CCDC88C: variants seen among roughly 807,000 people sequenced by gnomAD.
CCDC88C encodes protein Daple.
CCDC88C carries 131 observed loss-of-function variants against 198.8 expected under a neutral mutation model. That is an observed-to-expected ratio of 0.66 (90% CI 0.57 to 0.76). CCDC88C has a LOEUF of 0.76. CCDC88C is among the 30% of genes least tolerant of loss of function. CCDC88C has a pLI of 0.00. For missense variants in CCDC88C, 2,553 were observed against 2,631.6 expected (o/e 0.97, Z 0.65); for synonymous variants, 1,166 against 1,114.7 (o/e 1.05, Z -0.92).
intron 29 of CCDC88C, among the ~76,000 whole-genome samples, chr14:91,274,516 G>A (rs552250064): frequency 6.6e-6 from 1 of 152,232 alleles, no homozygotes; most frequent in African/African-American, 2.4e-5. Flanking sequence ...TGGGGGATGA[G>A]AGGCCGGCAG....
At chr14:91,336,729 T>A (rs1893063170) in intron 10 of CCDC88C, among the ~76,000 whole-genome samples, 1 of 152,166 alleles carries the variant, frequency 6.6e-6, no homozygotes, top group African/African-American at 2.4e-5. Context: ...AGCCTTAGCA[T>A]GCAAAGACAC....
intron 1 of CCDC88C, chr14:91,417,429 G>A: frequency 1.8e-6 from 1 of 570,536 alleles, no homozygotes; most frequent in Non-Finnish European, 3.1e-6. Context: ...CGCGCCGGAC[G>A]CACAACGGGG....
Position 91,338,017 on chromosome 14 carries a change from C to T in CCDC88C, c.1038G>A (p.Lys346=), listed in dbSNP as rs1893127585. The T allele has an allele frequency of 6.2e-7, 1 of 1,612,046 alleles. No homozygotes were observed. The highest frequency in any genetic ancestry group is 1.6e-4 in the Middle Eastern group (1 of 6,062). Residue 346 remains lysine (K), a synonymous_variant, in exon 10 of 30, where the codon AAG becomes AAA. Transcript: ENST00000389857. The surrounding 1 kb of genome is among the most constrained non-coding windows in gnomAD (Gnocchi z 4.8). ...CAAGGCTCCCTACCTCCATGCGGGC[C>T]TTGTAGAAGTCCACGTCGTGCAGCT... ...KEKLHDVDFY[K]ARMEELREDN... is the part of the protein sequence containing the mutation.
At chr14:91,310,812 C>T (rs375127174) in intron 15 of CCDC88C, among the ~76,000 whole-genome samples, 5 of 152,128 alleles carry the variant, frequency 3.3e-5, no homozygotes, top group African/African-American at 2.4e-5. Context: ...AGATAGTGAC[C>T]GTTTTCTGCC....
At position 91,304,066 on chromosome 14, in the gene CCDC88C, A is replaced by G. The variant is rs552490901; in HGVS notation, c.3358-88T>C. 50 of 1,474,816 alleles carry G rather than the reference A, an allele frequency of 3.4e-5. 1 individual carries two copies. In the East Asian group the frequency reaches 1.1e-3, roughly 34 times the overall value. 91.4% of individuals were successfully genotyped at this position (1,474,816 alleles called of 1,614,324 possible). ...CAGGTCAAGTGCTCGAGCAGACACG[A>G]AAATAGCCGGGACCCTCAGGGCAGA... On this transcript the variant is annotated intron_variant, in intron 19 of 29. Transcript: ENST00000389857.
chr14:91,405,123 C>T (rs967179512), intron 3 of CCDC88C, among the ~76,000 whole-genome samples: 7 of 152,232 alleles, frequency 4.6e-5, no homozygotes, highest in East Asian at 3.9e-4. Flanking sequence ...GACCTATGCC[C>T]TGCTCAGGAA....
In CCDC88C at chr14:91,338,241, A is replaced by G. The variant is rs1388686951; in HGVS notation, c.892-78T>C. 2.6e-6 allele frequency: 4 copies of G among 1,542,918 alleles called. No homozygotes were observed. The highest frequency in any genetic ancestry group is 2.7e-6 in the Non-Finnish European group (3 of 1,130,650). ...GGCAGAAAGGCCATTGCCCTTCTGC[A>G]TGGTGTCTCCACGACGGCCCAGGAC... is the stretch of plus-strand genomic sequence containing the variant. On this transcript the variant is annotated intron_variant, in intron 9 of 29. Coordinates refer to ENST00000389857, the MANE Select transcript of CCDC88C (RefSeq NM_001080414.4). This position sits in a 1 kb window ranked among gnomAD's most constrained non-coding sequence, Gnocchi z 4.8.
chr14:91,351,610 C>T (rs1441081005), intron 4 of CCDC88C, among the ~76,000 whole-genome samples: 1 of 152,158 alleles, frequency 6.6e-6, no homozygotes, highest in African/African-American at 2.4e-5. Flanking sequence ...CCTGTGGAAT[C>T]CTCATGTCAC....
intron 3 of CCDC88C, chr14:91,384,335 A>G (rs1943211622): frequency 8.1e-6 from 3 of 371,298 alleles, no homozygotes; most frequent in African/African-American, 6.5e-5. Flanking sequence ...AAACAAGCAA[A>G]CAAACAACAA....
intron 16 of CCDC88C, among the ~76,000 whole-genome samples, chr14:91,309,276 G>A (rs1891700027): frequency 6.6e-6 from 1 of 152,074 alleles, no homozygotes; most frequent in Admixed American, 6.5e-5. Flanking sequence ...AGCATTGCAG[G>A]GAAAAACTGT....
intron 21 of CCDC88C, 43 bp from the exon 22 acceptor site, chr14:91,297,534 G>A: frequency 6.5e-7 from 1 of 1,541,340 alleles, no homozygotes. Context: ...TGAAGAGCCT[G>A]ACAAACAGGT....
At chr14:91,362,773 C>CA (rs1179072861) in intron 3 of CCDC88C, among the ~76,000 whole-genome samples, 5 of 151,850 alleles carry the variant, frequency 3.3e-5, no homozygotes, top group African/African-American at 1.2e-4. Flanking sequence ...ACTAAATATA[C>CA]AAAAAATAAG....
chr14:91,307,744 G>A (rs1408257385), intron 17 of CCDC88C, among the ~76,000 whole-genome samples: 2 of 152,176 alleles, frequency 1.3e-5, no homozygotes, highest in Non-Finnish European at 2.9e-5. Flanking sequence ...AGCACGTGTC[G>A]GGTGTGTACA....
In CCDC88C at chr14:91,273,495, G is replaced by GC; in HGVS notation, c.5216_5217insG (p.Ser1740LeufsTer20). 1 of 1,550,144 alleles carries GC rather than the reference G, an allele frequency of 6.5e-7. No individual in the cohort carries two copies. Among genetic ancestry groups the GC allele is most frequent in the Admixed American group, 2.0e-5 (1 of 50,116 alleles). ...CGGGCTTCAGCGGCCTCCCCTCCGA[G>GC]GTGGGGGCGGCCATTTTGACGGTGG... On this transcript the variant is annotated frameshift_variant, in exon 30 of 30. Transcript: ENST00000389857. LOFTEE classifies it low-confidence loss of function (END_TRUNC). The surrounding 1 kb of genome is among the most constrained non-coding windows in gnomAD (Gnocchi z 5.6).
chr14:91,338,372 A>G lies in CCDC88C; in HGVS notation c.891+117T>C, dbSNP rs1477564310. 34 of 1,020,330 alleles carry G rather than the reference A, an allele frequency of 3.3e-5. No individual in the cohort carries two copies. In the Admixed American group the frequency reaches 5.8e-4, roughly 17 times the overall value. 63.2% of individuals were successfully genotyped at this position (1,020,330 alleles called of 1,614,324 possible). On this transcript the variant is annotated intron_variant, in intron 9 of 29. Transcript: ENST00000389857. The surrounding 1 kb of genome is among the most constrained non-coding windows in gnomAD (Gnocchi z 4.8). Reference sequence around the variant, plus strand: ...CATCCCCATAGCCGTGCTCAGGACAAGTGGCTCTTGTGTGGCTTAAAAGCG... The same window carrying G: ...CATCCCCATAGCCGTGCTCAGGACAGGTGGCTCTTGTGTGGCTTAAAAGCG...
chr14:91,390,890 G>C (rs1362935330), intron 3 of CCDC88C, among the ~76,000 whole-genome samples: 1 of 152,126 alleles, frequency 6.6e-6, no homozygotes, highest in African/African-American at 2.4e-5. Flanking sequence ...CGGTCCTCAG[G>C]CTCACCACTT....
Position 91,303,652 on chromosome 14 carries a change from C to T in CCDC88C, c.3635+49G>A, listed in dbSNP as rs755250295. 6 of 1,508,906 alleles carry T rather than the reference C, an allele frequency of 4.0e-6. No individual in the cohort carries two copies. In the South Asian group the frequency reaches 6.5e-5, roughly 16 times the overall value. 93.5% of individuals were successfully genotyped at this position (1,508,906 alleles called of 1,614,324 possible). A position where few individuals can be genotyped will look rare whatever the true frequency, so the allele number is the denominator to read the frequency against. ...ACCTTTCCCCCTGGGCCCAGCCTCT[C>T]CTCTGGACTCTACCCCTCCCCAGAT... On this transcript the variant is annotated intron_variant, in intron 20 of 29. Coordinates refer to ENST00000389857, the MANE Select transcript of CCDC88C (RefSeq NM_001080414.4).
intron 14 of CCDC88C, among the ~76,000 whole-genome samples, chr14:91,315,249 C>G (rs750805260): frequency 6.6e-6 from 1 of 152,084 alleles, no homozygotes; most frequent in African/African-American, 2.4e-5. Flanking sequence ...GACTGCCCGC[C>G]GTGTGAGGCA....
intron 10 of CCDC88C, among the ~76,000 whole-genome samples, chr14:91,326,614 G>GA (rs1430917559): frequency 6.6e-6 from 1 of 152,196 alleles, no homozygotes; most frequent in Non-Finnish European, 1.5e-5. Flanking sequence ...CCAAGGCTTT[G>GA]ACATGCCTAA....
Sources: allele counts gnomAD v4.1 joint callset (sites outside exome capture counted in the v4.1 genomes callset), GRCh38; gene constraint gnomAD v4.1.1; non-coding constraint Gnocchi (gnomAD v3.1); transcripts MANE v1.5; gene names NCBI Gene and HGNC (gene_info 2026-07-23, HGNC 2026-07-21).